Variants in MAP3K20 observed in about 807,000 individuals in gnomAD.
MAP3K20 encodes mitogen-activated protein kinase kinase kinase 20.
In MAP3K20, 40 loss-of-function variants were observed where a neutral mutation model predicts 85.7. That is an observed-to-expected ratio of 0.47 (90% CI 0.36 to 0.61). MAP3K20 has a LOEUF of 0.61. Among genes scored for constraint, MAP3K20 ranks in the 20% least tolerant of loss-of-function variants. MAP3K20 has a pLI of 0.00. For synonymous variants in MAP3K20, 325 were observed against 327.7 expected, an observed-to-expected ratio of 0.99 and a Z score of 0.09; for missense variants, 817 against 961.7, an observed-to-expected ratio of 0.85 and a Z score of 1.99.
At chr2:173,223,703 T>G (rs541186388) in intron 11 of MAP3K20, 1 of 985,404 alleles carries the variant, frequency 1.0e-6, no homozygotes, top group South Asian at 4.7e-5. Flanking sequence ...GATAAATCTC[T>G]CCCTAAAAGA....
intron 2 of MAP3K20, among the ~76,000 whole-genome samples, chr2:173,143,045 A>T (rs549687147): frequency 6.6e-6 from 1 of 152,156 alleles, no homozygotes; most frequent in Non-Finnish European, 1.5e-5. Flanking sequence ...ACAAACAAAA[A>T]ACAAAAAAAT....
At position 173,179,391 on chromosome 2, in the gene MAP3K20, CA is replaced by C. The variant is rs56111907; in HGVS notation, c.248-3448del. On this transcript the variant is annotated intron_variant, in intron 3 of 19. Transcript: ENST00000375213. ...TGGGTGACAGAGTGAGACTCCATCT[CA>C]AAAAAAAAAAAAAAGTTTAAAAAAA... 5.3e-4 allele frequency among the ~76,000 whole-genome samples: 69 copies of C among 129,468 alleles called. 1 individual carries two copies. The highest frequency in any genetic ancestry group is 1.1e-3 in the African/African-American group (36 of 33,096). The allele number at this position is 129,468 out of a possible 152,430, so 84.9% of individuals were successfully genotyped here.
chr2:173,129,806 T>A (rs900787256), intron 2 of MAP3K20, among the ~76,000 whole-genome samples: 1 of 152,218 alleles, frequency 6.6e-6, no homozygotes, highest in African/African-American at 2.4e-5. Flanking sequence ...AATCAGAAAT[T>A]ATAATTGAAG....
chr2:173,109,878 A>G (rs747077680), intron 2 of MAP3K20, among the ~76,000 whole-genome samples: 2 of 152,146 alleles, frequency 1.3e-5, no homozygotes, highest in Non-Finnish European at 2.9e-5. Flanking sequence ...ATACGTTTCC[A>G]GAAACATATT....
chr2:173,122,220 T>C (rs925651819), intron 2 of MAP3K20, among the ~76,000 whole-genome samples: 1 of 152,272 alleles, frequency 6.6e-6, no homozygotes, highest in African/African-American at 2.4e-5. Flanking sequence ...TTTTTCCCTC[T>C]GGGAGGATTT....
At chr2:173,187,857 T>C (rs1205356119) in intron 5 of MAP3K20, among the ~76,000 whole-genome samples, 2 of 152,224 alleles carry the variant, frequency 1.3e-5, no homozygotes, top group African/African-American at 4.8e-5. Flanking sequence ...TTGAATTGTT[T>C]ACATTTTTTC....
intron 2 of MAP3K20, among the ~76,000 whole-genome samples, chr2:173,115,077 ACTT>A (rs202158648): frequency 0.032 from 4,885 of 152,166 alleles, 278 homozygotes; most frequent in African/African-American, 0.11. Flanking sequence ...ATAATCCCAG[ACTT>A]CTTAGAGGGT....
At chr2:173,194,317 C>T (rs1690753974) in intron 7 of MAP3K20, among the ~76,000 whole-genome samples, 1 of 152,118 alleles carries the variant, frequency 6.6e-6, no homozygotes, top group South Asian at 2.1e-4. Context: ...ATTACTTTTG[C>T]ACCAACCTAA....
At chr2:173,240,718 C>T (rs1013027427) in intron 16 of MAP3K20, among the ~76,000 whole-genome samples, 19 of 152,236 alleles carry the variant, frequency 1.2e-4, no homozygotes, top group African/African-American at 4.3e-4. Context: ...GGAGAACCTT[C>T]GTACACTGTT....
chr2:173,243,848 G>A (rs925055298), intron 16 of MAP3K20, among the ~76,000 whole-genome samples: 1 of 152,102 alleles, frequency 6.6e-6, no homozygotes, highest in Non-Finnish European at 1.5e-5. Flanking sequence ...GGATGGTCTC[G>A]ATCTCCTGAT....
intron 2 of MAP3K20, among the ~76,000 whole-genome samples, chr2:173,110,397 GCACATGCCAC>G (rs1207774435): frequency 6.7e-6 from 1 of 149,494 alleles, no homozygotes; most frequent in Non-Finnish European, 1.5e-5. Context: ...GGGACTATAG[GCACATGCCAC>G]CATGCCTGGC....
At chr2:173,222,445 A>G in intron 11 of MAP3K20, 5 of 985,868 alleles carry the variant, frequency 5.1e-6, no homozygotes, top group Non-Finnish European at 6.0e-6. Context: ...ACTGCTGGCC[A>G]TGGAAGCCTC....
At chr2:173,213,263 G>A (rs147487388) in intron 10 of MAP3K20, among the ~76,000 whole-genome samples, 56 of 150,738 alleles carry the variant, frequency 3.7e-4, no homozygotes, top group African/African-American at 1.0e-3. Flanking sequence ...GATTGAGAAC[G>A]GGGGGGAAAA....
chr2:173,209,076 T>A (rs1372031024), intron 9 of MAP3K20, among the ~76,000 whole-genome samples: 1 of 152,190 alleles, frequency 6.6e-6, no homozygotes, highest in African/African-American at 2.4e-5. Context: ...ATTGGGGTTT[T>A]TTCTTGTTTT....
chr2:173,216,355 T>G (rs181185163), intron 10 of MAP3K20, among the ~76,000 whole-genome samples: 15 of 152,226 alleles, frequency 9.9e-5, no homozygotes, highest in Non-Finnish European at 2.1e-4. Flanking sequence ...AACCTTAGAG[T>G]TCATCTGGCC....
At chr2:173,187,652 A>G (rs200511415) in intron 5 of MAP3K20, 29 bp downstream of exon 5, 2 of 1,560,764 alleles carry the variant, frequency 1.3e-6, no homozygotes, top group East Asian at 2.3e-5. Flanking sequence ...TATTTTACCT[A>G]TTTTATTACA....
At position 173,142,471 on chromosome 2, in the gene MAP3K20, C is replaced by CA. The variant is rs546013989; in HGVS notation, c.160-27319dup. 5.5e-3 allele frequency among the ~76,000 whole-genome samples: 536 copies of CA among 97,572 alleles called. 5 individuals are homozygous for CA. Among genetic ancestry groups the CA allele is most frequent in the South Asian group, 0.034 (109 of 3,190 alleles). The allele number at this position is 97,572 out of a possible 152,430, so 64.0% of individuals were successfully genotyped here. ...TGGGCAACAGAGCGAGACTCCGTCT[C>CA]AAAAAAAAAAAAAAAGTAGTATATA... is the stretch of plus-strand genomic sequence containing the variant. On this transcript the variant is annotated intron_variant, in intron 2 of 19. Coordinates refer to ENST00000375213, the MANE Select transcript of MAP3K20 (RefSeq NM_016653.3).
intron 2 of MAP3K20, among the ~76,000 whole-genome samples, chr2:173,134,406 A>AT (rs1574044672): frequency 5.5e-4 from 4 of 7,260 alleles, no homozygotes; most frequent in Admixed American, 4.4e-3. Flanking sequence ...ATATATATAT[A>AT]TATATATATA....
intron 7 of MAP3K20, among the ~76,000 whole-genome samples, chr2:173,196,168 G>C (rs1690830389): frequency 6.6e-6 from 1 of 152,132 alleles, no homozygotes; most frequent in African/African-American, 2.4e-5. Flanking sequence ...TGATTTATTG[G>C]AGGCTAACTC....
Sources: gnomAD v4.1 joint callset for allele counts (sites outside exome capture counted in the v4.1 genomes callset) on GRCh38, gnomAD v4.1.1 for gene constraint, MANE v1.5 for transcripts, NCBI Gene and HGNC (gene_info 2026-07-23, HGNC 2026-07-21) for gene names.